IDO2: variants seen among roughly 807,000 people sequenced by gnomAD.
IDO2 encodes indoleamine 2,3-dioxygenase-like 1 protein.
IDO2 carries 46 observed loss-of-function variants against 45.1 expected under a neutral mutation model. The observed-to-expected ratio is 1.02, with a 90% CI of 0.80 to 1.30. The LOEUF is 1.30. Ranked by LOEUF, IDO2 falls within the 50% of genes most tolerant of loss-of-function variation. IDO2 has a pLI of 0.00. For synonymous variants in IDO2, 218 were observed against 184.9 expected, an observed-to-expected ratio of 1.18 and a Z score of -1.45; for missense variants, 544 against 491.8, an observed-to-expected ratio of 1.11 and a Z score of -1.00.
chr8:40,016,037 C>T (rs561539832), exon 11 of IDO2: 4 of 390,762 alleles, frequency 1.0e-5, no homozygotes, highest in South Asian at 1.4e-4. Flanking sequence ...ACCAGGATTT[C>T]TGTGGTCCCA....
chr8:39,946,884 G>A (rs1322948875), intron 1 of IDO2, among the ~76,000 whole-genome samples: 1 of 152,074 alleles, frequency 6.6e-6, no homozygotes, highest in African/African-American at 2.4e-5. Context: ...TTGAGGCTGG[G>A]AGAGGTGGCT....
At chr8:39,985,133 G>A (rs573078554) in intron 5 of IDO2, 6 of 312,694 alleles carry the variant, frequency 1.9e-5, no homozygotes, top group African/African-American at 1.1e-4. Flanking sequence ...GTTTTACCAC[G>A]TTGGCCAGTC....
intron 8 of IDO2, among the ~76,000 whole-genome samples, chr8:39,990,653 T>A (rs892759638): frequency 1.3e-5 from 2 of 152,204 alleles, no homozygotes; most frequent in African/African-American, 4.8e-5. Flanking sequence ...TTGTCCTCAT[T>A]TTTCCTTTAA....
At chr8:39,974,505 C>T (rs985038390) in intron 3 of IDO2, among the ~76,000 whole-genome samples, 7 of 152,214 alleles carry the variant, frequency 4.6e-5, no homozygotes, top group East Asian at 3.9e-4. Context: ...TTCTAGGGCC[C>T]GGCACGGTGG....
At chr8:40,004,522 A>T (rs1242842778) in intron 8 of IDO2, among the ~76,000 whole-genome samples, 2 of 98,710 alleles carry the variant, frequency 2.0e-5, no homozygotes, top group African/African-American at 7.1e-5. Context: ...TTAGACAGAC[A>T]GATGATAGAT....
At chr8:40,013,992 C>T (rs188484603) in intron 10 of IDO2, among the ~76,000 whole-genome samples, 118 of 152,248 alleles carry the variant, frequency 7.8e-4, no homozygotes, top group Middle Eastern at 3.4e-3. Context: ...TCTTTAGACA[C>T]TAGCTTCCTT....
At chr8:40,013,849 T>A (rs1274108130) in intron 10 of IDO2, 136 bp downstream of exon 10, 4 of 630,578 alleles carry the variant, frequency 6.3e-6, no homozygotes. Context: ...GCCAAGAAAC[T>A]GCATGACTGC....
chr8:40,001,287 T>G lies in IDO2; in HGVS notation c.668-4040T>G, dbSNP rs116122547. Among the ~76,000 whole-genome samples the G allele has an allele frequency of 3.3e-3, 483 of 146,420 alleles. 4 individuals are homozygous for G. The highest frequency in any genetic ancestry group is 0.012 in the African/African-American group (461 of 39,024). ...TTTTTTTTGAGGCAGAGTCTCGCTC[T>G]GTTGCAGGCTAGAGTGCAGTGGTGC... On this transcript the variant is annotated intron_variant, in intron 8 of 10. Coordinates refer to ENST00000502986, the Ensembl canonical transcript of IDO2.
chr8:39,958,271 AGCTCACTGCAACCTCTG>A, intron 2 of IDO2, among the ~76,000 whole-genome samples: 1 of 151,386 alleles, frequency 6.6e-6, no homozygotes, highest in African/African-American at 2.4e-5. Flanking sequence ...GCTTGATCTC[AGCTCACTGCAACCTCTG>A]CCTCCCAGGT....
chr8:39,961,176 A>C (rs1278888845), intron 2 of IDO2, among the ~76,000 whole-genome samples: 1 of 152,068 alleles, frequency 6.6e-6, no homozygotes, highest in African/African-American at 2.4e-5. Context: ...CAGTTCCTCT[A>C]TCTGCCTTGT....
At chr8:39,996,073 T>TAAAAAA (rs59691325) in intron 8 of IDO2, among the ~76,000 whole-genome samples, 2 of 141,642 alleles carry the variant, frequency 1.4e-5, no homozygotes, top group Admixed American at 7.0e-5. Context: ...TACCTAAGAG[T>TAAAAAA]AAAAAAAAAA....
At chr8:40,006,020 G>A (rs1802215243) in intron 9 of IDO2, among the ~76,000 whole-genome samples, 2 of 152,050 alleles carry the variant, frequency 1.3e-5, no homozygotes, top group Admixed American at 6.6e-5. Context: ...GTGAGGACAC[G>A]GGAGTTGAGG....
intron 10 of IDO2, 58 bp downstream of exon 10, chr8:40,013,771 T>TG: frequency 8.6e-7 from 1 of 1,167,874 alleles, no homozygotes; most frequent in Non-Finnish European, 1.1e-6. Context: ...AGAGGTGTTT[T>TG]TTTTTTTTCC....
intron 3 of IDO2, among the ~76,000 whole-genome samples, chr8:39,975,066 G>A (rs1808238122): frequency 6.6e-6 from 1 of 151,856 alleles, no homozygotes; most frequent in Non-Finnish European, 1.5e-5. Context: ...CCGAGATCGT[G>A]CCATCATGCC....
At chr8:39,939,571 A>C (rs963144624) in intron 1 of IDO2, among the ~76,000 whole-genome samples, 8 of 137,830 alleles carry the variant, frequency 5.8e-5, no homozygotes, top group South Asian at 2.4e-4. Context: ...AAAAAAAAAA[A>C]AGGAAAGAAA....
rs543624782 is a variant in IDO2 at position 40,007,487 on chromosome 8, A to G, written c.719+2109A>G. Among the ~76,000 whole-genome samples, 8 of 151,844 alleles carry G rather than the reference A, an allele frequency of 5.3e-5. No homozygotes were observed. The East Asian group carries it at 1.4e-3, about 26-fold the overall frequency. On this transcript the variant is annotated intron_variant, in intron 9 of 10. Transcript: ENST00000502986. ...AAAGGGAAAACAAAAAGAAGGGTGC[A>G]GAAATGGAGCTGGGAGTGTGTTTTA...
chr8:40,005,072 T>C (rs991561877), intron 8 of IDO2, among the ~76,000 whole-genome samples: 5 of 152,222 alleles, frequency 3.3e-5, no homozygotes, highest in Non-Finnish European at 5.9e-5. Flanking sequence ...TTTTTTGTTG[T>C]TATTATTAAG....
At chr8:39,992,105 G>C (rs1801941947) in intron 8 of IDO2, among the ~76,000 whole-genome samples, 1 of 152,240 alleles carries the variant, frequency 6.6e-6, no homozygotes, top group Non-Finnish European at 1.5e-5. Context: ...ATGCCATCCT[G>C]CGCGCTCCTC....
chr8:39,981,995 G>A (rs773791470), intron 4 of IDO2, among the ~76,000 whole-genome samples: 4 of 152,068 alleles, frequency 2.6e-5, no homozygotes, highest in Non-Finnish European at 2.9e-5. Flanking sequence ...AGTAAGAGAC[G>A]GAGTCAGTTT....
Sources: allele counts gnomAD v4.1 joint callset (sites outside exome capture counted in the v4.1 genomes callset), GRCh38; gene constraint gnomAD v4.1.1; transcripts MANE v1.5; gene names NCBI Gene and HGNC (gene_info 2026-07-23, HGNC 2026-07-21).